FAT1: variants seen among roughly 807,000 people sequenced by gnomAD.
The protein encoded by FAT1 is FAT atypical cadherin 1, also known as protocadherin Fat 1.
In FAT1, 171 loss-of-function variants were observed where a neutral mutation model predicts 329.8. The observed-to-expected ratio is 0.52, with a 90% CI of 0.46 to 0.59. FAT1 has a LOEUF of 0.59. Ranked by LOEUF, FAT1 falls within the 20% of genes least tolerant of loss-of-function variation. The pLI, the probability that FAT1 is intolerant of heterozygous loss-of-function variation, is 0.00. For synonymous variants in FAT1, 2,233 were observed against 2,228.6 expected (o/e 1.00, Z -0.06); for missense variants, 5,672 against 5,774.4 (o/e 0.98, Z 0.57).
At chr4:186,643,857 T>C (rs1246775934) in intron 3 of FAT1, among the ~76,000 whole-genome samples, 1 of 132,288 alleles carries the variant, frequency 7.6e-6, no homozygotes, top group Non-Finnish European at 1.5e-5. Context: ...CTGCTCCATA[T>C]ACCCACTACA....
At chr4:186,679,382 A>G (rs912182758) in intron 2 of FAT1, among the ~76,000 whole-genome samples, 12 of 136,648 alleles carry the variant, frequency 8.8e-5, no homozygotes, top group Non-Finnish European at 1.8e-4. Context: ...GCACCACTGC[A>G]CTCCAGCCTG....
intron 3 of FAT1, among the ~76,000 whole-genome samples, chr4:186,654,492 C>G (rs559311667): frequency 1.8e-4 from 27 of 152,264 alleles, no homozygotes; most frequent in African/African-American, 6.3e-4. Flanking sequence ...GCTCAGCTCT[C>G]CAAGGGAACA....
chr4:186,640,989 T>C (rs1376088157), intron 3 of FAT1, among the ~76,000 whole-genome samples: 2 of 152,350 alleles, frequency 1.3e-5, no homozygotes, highest in Non-Finnish European at 2.9e-5. Context: ...GGAAATACCT[T>C]AAATAATTCA....
chr4:186,621,821 C>CAGT (rs377635795), intron 9 of FAT1, 46 bp from the exon 10 acceptor site: 40 of 1,197,700 alleles, frequency 3.3e-5, no homozygotes, highest in African/African-American at 1.5e-4. Context: ...ACACAAGGGG[C>CAGT]AGTAGTAGTA....
chr4:186,590,288 C>T (rs920349052), intron 26 of FAT1: 19 of 850,200 alleles, frequency 2.2e-5, no homozygotes, highest in Non-Finnish European at 2.9e-5. Context: ...GGCGACCCAG[C>T]GTAGTCAGTC....
At chr4:186,613,594 T>C (rs1229040837) in intron 12 of FAT1, among the ~76,000 whole-genome samples, 2 of 152,200 alleles carry the variant, frequency 1.3e-5, no homozygotes, top group African/African-American at 4.8e-5. Flanking sequence ...TGTATAAGAT[T>C]GCACAGGTGA....
At chr4:186,714,862 G>C (rs534110527) in intron 1 of FAT1, among the ~76,000 whole-genome samples, 1 of 152,168 alleles carries the variant, frequency 6.6e-6, no homozygotes, top group African/African-American at 2.4e-5. Context: ...GGCGGATCAC[G>C]AGGTCAAGAG....
chr4:186,614,152 G>T (rs1739593267), intron 12 of FAT1, 39 bp downstream of exon 12: 2 of 1,544,110 alleles, frequency 1.3e-6, no homozygotes, highest in East Asian at 4.7e-5. Flanking sequence ...TGATACTGTT[G>T]GAATATACAA....
rs772770486 is a variant in FAT1, at chr4:186,588,840, C to A, written c.13519G>T (p.Gly4507Cys). The stretch of plus-strand genomic sequence containing the variant: ...GGTTCTCTACAAGTACTATTCTCAC[C>A]AGTGCCTTTTGTTTGAGGTTCAGAC... ...DMSEPQTKGTGENSTCREPHA... is the reference protein window; with the variant it reads ...DMSEPQTKGTCENSTCREPHA... Residue 4507 changes from glycine to cysteine, a missense_variant, in exon 27 of 27, where the codon GGT becomes TGT. By Grantham distance (159) the Gly-to-Cys change is radical (BLOSUM62 -3). Coordinates refer to ENST00000441802, the MANE Select transcript of FAT1 (RefSeq NM_005245.4). 1.2e-6 allele frequency: 2 copies of A among 1,614,000 alleles called. No homozygotes were observed. Among genetic ancestry groups the A allele is most frequent in the Admixed American group, 3.3e-5 (2 of 60,026 alleles).
At chr4:186,693,376 C>T (rs150477536) in intron 2 of FAT1, among the ~76,000 whole-genome samples, 1,291 of 104,728 alleles carry the variant, frequency 0.012, 213 homozygotes, top group African/African-American at 0.051. Flanking sequence ...GCTGGATGAA[C>T]GAACTGTGTC....
rs573949700 is a variant in FAT1 at position 186,653,854 on chromosome 4, G to A, written c.3580+9445C>T. On this transcript the variant is annotated intron_variant, in intron 3 of 26. Coordinates refer to ENST00000441802, the MANE Select transcript of FAT1 (RefSeq NM_005245.4). ...CCCACAAACCCAAAAGCCCCGTGTG[G>A]CCCTTTATAGAAACAGTTTGATGAC... 9.8e-4 allele frequency among the ~76,000 whole-genome samples: 149 copies of A among 152,222 alleles called. 1 individual carries two copies. The Middle Eastern group carries it at 0.01, about 10-fold the overall frequency.
chr4:186,600,154 A>G lies in FAT1; in HGVS notation c.11847T>C (p.Tyr3949=), dbSNP rs751149963. The G allele has an allele frequency of 6.2e-7, 1 of 1,614,034 alleles. No homozygotes were observed. The highest frequency in any genetic ancestry group is 8.5e-7 in the Non-Finnish European group (1 of 1,179,884). The change falls in exon 22 of 27, where the codon TAT becomes TAC. Residue 3949 remains tyrosine, a synonymous_variant. Transcript: ENST00000441802. ...GACGGATGTGGCCACCAAAAAACAC[A>G]TAGTTATCCAGGTTCAGGGTTTTCA... is the stretch of plus-strand genomic sequence containing the variant. ...GTLKTLNLDN[Y]VFFGGHIRQQ...
Position 186,708,394 on chromosome 4 carries a change from A to G in FAT1, c.1434T>C (p.Ile478=). Residue 478 remains isoleucine (I), a synonymous_variant, in exon 2 of 27, where the codon ATT becomes ATC. Transcript: ENST00000441802. ...CACTCAGGCTCATGACAGTAGTACC[A>G]ATGGGCACGTTCTCATCAAAAGCAG... ...YKAAFDENVP[I]GTTVMSLSAV... 6.2e-7 allele frequency: 1 copy of G among 1,613,930 alleles called. No homozygotes were observed. Among genetic ancestry groups the G allele is most frequent in the Non-Finnish European group, 8.5e-7 (1 of 1,179,868 alleles).
At chr4:186,612,055 C>T (rs933051293) in intron 13 of FAT1, among the ~76,000 whole-genome samples, 2 of 150,934 alleles carry the variant, frequency 1.3e-5, no homozygotes, top group African/African-American at 2.4e-5. Context: ...GTGATCCACC[C>T]GCCTCGGCCT....
Position 186,709,489 on chromosome 4 carries a change from C to T in FAT1, c.339G>A (p.Lys113=), listed in dbSNP as rs2126704604. 6.2e-7 allele frequency: 1 copy of T among 1,613,882 alleles called. No homozygotes were observed. Among genetic ancestry groups the T allele is most frequent in the Non-Finnish European group, 8.5e-7 (1 of 1,179,862 alleles). The change falls in exon 2 of 27, where the codon AAG becomes AAA. Residue 113 remains lysine (K), a synonymous_variant. Coordinates refer to ENST00000441802, the MANE Select transcript of FAT1 (RefSeq NM_005245.4). Reference sequence around the variant, plus strand: ...CTTTCACTATCAATGTGTAGTGATCCTTCACTTCTCTATTAAGAATAGCTG... The same window carrying T: ...CTTTCACTATCAATGTGTAGTGATCTTTCACTTCTCTATTAAGAATAGCTG... ...GNTAILNREV[K]DHYTLIVKAL...
At chr4:186,672,052 TATAAG>T (rs1742755352) in intron 2 of FAT1, among the ~76,000 whole-genome samples, 2 of 152,190 alleles carry the variant, frequency 1.3e-5, no homozygotes, top group Non-Finnish European at 2.9e-5. Context: ...ACCTGAAGTT[TATAAG>T]ATATTACTAT....
At chr4:186,623,645 C>G (rs770258929) in intron 9 of FAT1, among the ~76,000 whole-genome samples, 23 of 152,234 alleles carry the variant, frequency 1.5e-4, no homozygotes, top group Non-Finnish European at 2.8e-4. Flanking sequence ...CTAGAACACA[C>G]TGCTTTCTGC....
At chr4:186,609,744 T>C (rs2126458355) in intron 15 of FAT1, 57 bp downstream of exon 15, 2 of 1,254,398 alleles carry the variant, frequency 1.6e-6, no homozygotes, top group South Asian at 2.5e-5. Flanking sequence ...TACTAAAAAC[T>C]TTTGCAAAGA....
At chr4:186,690,223 T>A (rs973793440) in intron 2 of FAT1, among the ~76,000 whole-genome samples, 13 of 152,368 alleles carry the variant, frequency 8.5e-5, no homozygotes, top group African/African-American at 2.6e-4. Flanking sequence ...ATCTCAAGTT[T>A]ACTATTCATT....
Sources: allele counts gnomAD v4.1 joint callset (sites outside exome capture counted in the v4.1 genomes callset), GRCh38; gene constraint gnomAD v4.1.1; transcripts MANE v1.5; gene names NCBI Gene and HGNC (gene_info 2026-07-23, HGNC 2026-07-21).